The following VPS13D variants were observed in gnomAD, a reference collection of about 807,000 sequenced individuals.
VPS13D encodes the protein vacuolar protein sorting 13 homolog D.
In VPS13D, 187 loss-of-function variants were observed where a neutral mutation model predicts 461.9. That is an observed-to-expected ratio of 0.40 (90% confidence interval 0.36 to 0.46). VPS13D has a LOEUF of 0.46. Ranked by LOEUF, VPS13D falls within the 20% of genes least tolerant of loss-of-function variation. VPS13D has a pLI of 0.60. For missense variants in VPS13D, 4,711 were observed against 5,364.9 expected, an observed-to-expected ratio of 0.88 and a Z score of 3.81; for synonymous variants, 1,951 against 1,986.3, an observed-to-expected ratio of 0.98 and a Z score of 0.47.
chr1:12,410,516 C>A (rs1644711995), intron 63 of VPS13D, among the ~76,000 whole-genome samples: 1 of 152,004 alleles, frequency 6.6e-6, no homozygotes, highest in African/African-American at 2.4e-5. Context: ...AATTACCAGG[C>A]CAAGATGAGA....
At chr1:12,266,358 T>G (rs1641267655) in intron 13 of VPS13D, among the ~76,000 whole-genome samples, 1 of 152,224 alleles carries the variant, frequency 6.6e-6, no homozygotes, top group Non-Finnish European at 1.5e-5. Flanking sequence ...AGTCAGTTGA[T>G]GTAGCAAACT....
intron 65 of VPS13D, among the ~76,000 whole-genome samples, chr1:12,422,669 G>A (rs1420734323): frequency 6.6e-6 from 1 of 152,172 alleles, no homozygotes; most frequent in South Asian, 2.1e-4. Flanking sequence ...ATAAACATTT[G>A]TTGAGCACCT....
chr1:12,427,250 T>TATG (rs2100283423), intron 65 of VPS13D, among the ~76,000 whole-genome samples: 1 of 141,008 alleles, frequency 7.1e-6, no homozygotes, highest in Non-Finnish European at 1.5e-5. Flanking sequence ...ATTTTATTAT[T>TATG]ATTATTATTA....
At chr1:12,264,320 T>C (rs914586733) in intron 13 of VPS13D, among the ~76,000 whole-genome samples, 1 of 152,210 alleles carries the variant, frequency 6.6e-6, no homozygotes, top group Non-Finnish European at 1.5e-5. Flanking sequence ...TCTCTCACTT[T>C]AAATCAAAAG....
At chr1:12,297,933 C>T (rs948150653) in intron 24 of VPS13D, among the ~76,000 whole-genome samples, 8 of 152,154 alleles carry the variant, frequency 5.3e-5, no homozygotes, top group African/African-American at 1.9e-4. Context: ...TTGTCTGGCT[C>T]ATGATTCAGT....
At chr1:12,358,639 T>C (rs371402928) in intron 50 of VPS13D, 38 bp downstream of exon 50, 108 of 1,609,564 alleles carry the variant, frequency 6.7e-5, no homozygotes, top group East Asian at 2.0e-4. Flanking sequence ...ATCAGAACCA[T>C]TGGCCGATGA....
intron 67 of VPS13D, among the ~76,000 whole-genome samples, chr1:12,494,762 A>G (rs779447919): frequency 4.6e-5 from 7 of 152,202 alleles, no homozygotes; most frequent in Non-Finnish European, 8.8e-5. Flanking sequence ...GCAGACAGAG[A>G]CAGCCTTGTC....
chr1:12,314,099 C>T lies in VPS13D; in HGVS notation c.6936-16C>T. ...TTGTGTTTCACATCTTGCTTGCTTTCTTTTCTCTCTTTTAGATTTGACTTC... is the reference window on the plus strand; with the variant it reads ...TTGTGTTTCACATCTTGCTTGCTTTTTTTTCTCTCTTTTAGATTTGACTTC... On this transcript the variant is annotated splice_polypyrimidine_tract_variant and intron_variant, in intron 29 of 69. Coordinates refer to ENST00000620676, the MANE Select transcript of VPS13D (RefSeq NM_015378.4). 1 of 1,610,548 alleles carries T rather than the reference C, an allele frequency of 6.2e-7. No homozygotes were observed. The highest frequency in any genetic ancestry group is 8.5e-7 in the Non-Finnish European group (1 of 1,177,630).
chr1:12,233,009 T>C (rs1640030815), intron 1 of VPS13D, among the ~76,000 whole-genome samples: 1 of 151,856 alleles, frequency 6.6e-6, no homozygotes, highest in African/African-American at 2.4e-5. Flanking sequence ...TGAGTTTCTT[T>C]TTCTTTTTTT....
chr1:12,284,227 C>G (rs892596838), intron 21 of VPS13D, among the ~76,000 whole-genome samples: 1 of 152,170 alleles, frequency 6.6e-6, no homozygotes, highest in Admixed American at 6.5e-5. Flanking sequence ...AGTCCTGGTA[C>G]TTTCACTGTA....
At chr1:12,376,501 A>G (rs1644200587) in intron 55 of VPS13D, among the ~76,000 whole-genome samples, 1 of 152,240 alleles carries the variant, frequency 6.6e-6, no homozygotes, top group Non-Finnish European at 1.5e-5. Flanking sequence ...TAAGCGTGTT[A>G]CATTTATTAC....
At position 12,299,194 on chromosome 1, in the gene VPS13D, T is replaced by A. The variant is rs753057144; in HGVS notation, c.6034-8T>A. 7.7e-6 allele frequency: 12 copies of A among 1,560,488 alleles called. 1 individual carries two copies. In the South Asian group the frequency reaches 1.5e-4, roughly 19 times the overall value. ...TATCCTCTGAGTCAGTTTTCCTTCC[T>A]CTTTCAGGTGAGAGATCAAGCCCAG... On this transcript the variant is annotated splice_region_variant and splice_polypyrimidine_tract_variant and intron_variant, in intron 24 of 69. Transcript: ENST00000620676. The surrounding 1 kb of genome is among the most constrained non-coding windows in gnomAD (Gnocchi z 4.2).
intron 65 of VPS13D, among the ~76,000 whole-genome samples, chr1:12,423,891 T>C (rs1016834080): frequency 6.6e-6 from 1 of 152,254 alleles, no homozygotes; most frequent in African/African-American, 2.4e-5. Flanking sequence ...AAGAGCAATG[T>C]TTATTCAAGG....
In VPS13D at chr1:12,497,650, A is replaced by C; in HGVS notation, c.12794+19A>C. The C allele has an allele frequency of 6.2e-7, 1 of 1,607,134 alleles. No individual in the cohort carries two copies. The highest frequency in any genetic ancestry group is 8.5e-7 in the Non-Finnish European group (1 of 1,177,520). On this transcript the variant is annotated intron_variant, in intron 68 of 69. Transcript: ENST00000620676. ...ACGAATTGTAAGTTAGAGCATGGGA[A>C]ACCAGCCCTGTGGGTCTACTGAGTT...
chr1:12,276,381 A>G lies in VPS13D; in HGVS notation c.2793A>G (p.Val931=). 1.2e-6 allele frequency: 2 copies of G among 1,614,208 alleles called. No individual in the cohort carries two copies. The highest frequency in any genetic ancestry group is 1.7e-6 in the Non-Finnish European group (2 of 1,180,026). ...AGCGGGGAAGTTTGCAAGACTCCGT[A>G]ATGAATTTAACCCAGAGCATTGTGT... The part of the protein sequence containing the change: ...EEQRGSLQDS[V]MNLTQSIVLL... Residue 931 remains valine, a synonymous_variant, in exon 19 of 70, where the codon GTA becomes GTG. Coordinates refer to ENST00000620676, the MANE Select transcript of VPS13D (RefSeq NM_015378.4). The surrounding 1 kb of genome is among the most constrained non-coding windows in gnomAD (Gnocchi z 4.5).
chr1:12,497,005 G>C, intron 67 of VPS13D: 1 of 152,764 alleles, frequency 6.5e-6, no homozygotes, highest in Non-Finnish European at 1.5e-5. Context: ...TTCTTACTAA[G>C]TGCCCAGGAT....
chr1:12,500,263 T>C, intron 68 of VPS13D: 1 of 972,034 alleles, frequency 1.0e-6, no homozygotes, highest in Non-Finnish European at 1.2e-6. Flanking sequence ...CACTTTCAAA[T>C]TAATCATATA....
intron 37 of VPS13D, among the ~76,000 whole-genome samples, chr1:12,331,711 TAAA>T (rs757913489): frequency 3.8e-5 from 4 of 106,210 alleles, no homozygotes; most frequent in African/African-American, 3.6e-5. Flanking sequence ...GACTCTGTCT[TAAA>T]AAAAAAAAAA....
rs189823828 is a variant in VPS13D at position 12,324,153 on chromosome 1, C to T, written c.7990+373C>T. Among the ~76,000 whole-genome samples the T allele has an allele frequency of 1.8e-3, 270 of 152,256 alleles. 1 individual carries two copies. The highest frequency in any genetic ancestry group is 2.8e-3 in the Non-Finnish European group (192 of 68,018). On this transcript the variant is annotated intron_variant, in intron 35 of 69. Coordinates refer to ENST00000620676, the MANE Select transcript of VPS13D (RefSeq NM_015378.4). ...CGAACTCCTGACTTCAAGTGATCTG[C>T]CCGCTTTGGCCTCCCAAAATGCCGG...
Sources: allele counts gnomAD v4.1 joint callset (sites outside exome capture counted in the v4.1 genomes callset), GRCh38; gene constraint gnomAD v4.1.1; non-coding constraint Gnocchi (gnomAD v3.1); transcripts MANE v1.5; gene names NCBI Gene and HGNC (gene_info 2026-07-23, HGNC 2026-07-21).